Variants in PDLIM5 observed in about 807,000 individuals in gnomAD.
PDLIM5 encodes the protein PDZ and LIM domain 5, also known as PDZ and LIM domain protein 5.
PDLIM5 carries 34 observed loss-of-function variants against 64.2 expected under a neutral mutation model. The observed-to-expected ratio is 0.53, with a 90% CI of 0.40 to 0.71. PDLIM5 has a LOEUF of 0.71. Ranked by LOEUF, PDLIM5 falls within the 30% of genes least tolerant of loss-of-function variation. PDLIM5 has a pLI of 0.00. For synonymous variants in PDLIM5, 253 were observed against 269.1 expected (o/e 0.94, Z 0.59); for missense variants, 683 against 733.6 (o/e 0.93, Z 0.80).
At chr4:94,596,518 A>G (rs1418215335) in intron 7 of PDLIM5, among the ~76,000 whole-genome samples, 1 of 152,020 alleles carries the variant, frequency 6.6e-6, no homozygotes, top group East Asian at 1.9e-4. Flanking sequence ...AGTATTGAAG[A>G]AGACTCCTGC....
At chr4:94,501,466 C>A (rs971115213) in intron 2 of PDLIM5, among the ~76,000 whole-genome samples, 6 of 152,094 alleles carry the variant, frequency 3.9e-5, no homozygotes, top group African/African-American at 1.4e-4. Flanking sequence ...GTGGATTTGT[C>A]AGTTTATGAC....
rs1158734740 is a variant in PDLIM5, at chr4:94,665,404, C to T, written c.*1337C>T. 1 of 422,890 alleles carries T rather than the reference C, an allele frequency of 2.4e-6. No individual in the cohort carries two copies. Among genetic ancestry groups the T allele is most frequent in the Non-Finnish European group, 3.2e-6 (1 of 317,324 alleles). The allele number at this position is 422,890 out of a possible 1,614,324, so 26.2% of individuals were successfully genotyped here. ...GGCTGAGGCAGGAAAATTCTTGAAC[C>T]CAGGAGACGGAAGTTGCAGTGAGCT... On this transcript the variant is annotated 3_prime_UTR_variant, in exon 13 of 13. Transcript: ENST00000317968.
intron 2 of PDLIM5, among the ~76,000 whole-genome samples, chr4:94,477,779 C>T (rs945072141): frequency 6.6e-6 from 1 of 152,102 alleles, no homozygotes; most frequent in East Asian, 1.9e-4. Context: ...CCACCTCCTC[C>T]ACCTCTTTTG....
intron 2 of PDLIM5, chr4:94,456,241 C>T: frequency 2.2e-6 from 1 of 451,950 alleles, no homozygotes; most frequent in East Asian, 3.9e-5. Context: ...TCTTGTTGCC[C>T]AGGCTGGAGT....
intron 2 of PDLIM5, among the ~76,000 whole-genome samples, chr4:94,509,574 T>C (rs186189017): frequency 7.2e-5 from 11 of 152,302 alleles, no homozygotes; most frequent in Admixed American, 6.5e-4. Context: ...TAGGGTTCTC[T>C]AGAGGGACAG....
At chr4:94,616,792 T>C (rs1738820954) in intron 7 of PDLIM5, among the ~76,000 whole-genome samples, 1 of 152,208 alleles carries the variant, frequency 6.6e-6, no homozygotes, top group South Asian at 2.1e-4. Flanking sequence ...TAGGGAGCAA[T>C]ATTTCAAGAA....
At chr4:94,595,904 A>G (rs1560729437) in intron 7 of PDLIM5, among the ~76,000 whole-genome samples, 1 of 152,210 alleles carries the variant, frequency 6.6e-6, no homozygotes, top group Non-Finnish European at 1.5e-5. Context: ...ACAGCAAGAT[A>G]CATTCCCACA....
At chr4:94,560,871 C>T (rs974731389) in intron 3 of PDLIM5, among the ~76,000 whole-genome samples, 2 of 152,142 alleles carry the variant, frequency 1.3e-5, no homozygotes, top group South Asian at 4.1e-4. Flanking sequence ...GGACTACAGT[C>T]GCCCGCCACC....
Position 94,575,776 on chromosome 4 carries a change from C to T in PDLIM5, c.452C>T (p.Thr151Ile), listed in dbSNP as rs200734812. ...ATCCCATCACCATCGTCTGCCTTCACCCCAGCCCATGCGACCACCTCATCA... is the reference window on the plus strand; with the variant it reads ...ATCCCATCACCATCGTCTGCCTTCATCCCAGCCCATGCGACCACCTCATCA... ...TSIPSPSSAF[T>I]PAHATTSSHA... The change falls in exon 5 of 13, where the codon ACC becomes ATC. Residue 151 changes from threonine to isoleucine, a missense_variant. Coordinates refer to ENST00000317968, the MANE Select transcript of PDLIM5 (RefSeq NM_006457.5). 2.6e-4 allele frequency: 426 copies of T among 1,614,000 alleles called. No homozygotes were observed. Among genetic ancestry groups the T allele is most frequent in the Non-Finnish European group, 2.5e-4 (295 of 1,180,014 alleles).
At chr4:94,532,136 G>A (rs1730927816) in intron 3 of PDLIM5, among the ~76,000 whole-genome samples, 1 of 151,870 alleles carries the variant, frequency 6.6e-6, no homozygotes, top group African/African-American at 2.4e-5. Flanking sequence ...AAAAATTCTG[G>A]AATTTTTTAA....
intron 8 of PDLIM5, among the ~76,000 whole-genome samples, chr4:94,626,208 G>A (rs747911254): frequency 5.9e-5 from 9 of 152,156 alleles, no homozygotes; most frequent in Non-Finnish European, 1.2e-4. Context: ...AATACAATGG[G>A]CGGCCTAAAA....
rs144746767 is a variant in PDLIM5, at chr4:94,643,580, G to A, written c.1283+3130G>A. Among the ~76,000 whole-genome samples the A allele has an allele frequency of 3.8e-3, 572 of 152,196 alleles. 2 individuals carry two copies. Among genetic ancestry groups the A allele is most frequent in the African/African-American group, 0.013 (528 of 41,538 alleles). On this transcript the variant is annotated intron_variant, in intron 9 of 12. Coordinates refer to ENST00000317968, the MANE Select transcript of PDLIM5 (RefSeq NM_006457.5). ...CCATTTGTATTACATGGAGTTAACG[G>A]AACTATTTATGTTTAGCTTGACCTC...
At chr4:94,588,009 T>G (rs986367857) in intron 7 of PDLIM5, 21 of 963,726 alleles carry the variant, frequency 2.2e-5, no homozygotes, top group Non-Finnish European at 2.5e-5. Context: ...GGAAGCTAAA[T>G]ATATGACCAG....
chr4:94,493,466 A>G (rs557509795), intron 2 of PDLIM5, among the ~76,000 whole-genome samples: 4 of 152,206 alleles, frequency 2.6e-5, no homozygotes, highest in South Asian at 2.1e-4. Flanking sequence ...TTGGGCCACC[A>G]TGCTTGGATA....
chr4:94,507,823 G>A (rs780048519), intron 2 of PDLIM5, among the ~76,000 whole-genome samples: 83 of 152,166 alleles, frequency 5.5e-4, no homozygotes, highest in Non-Finnish European at 1.1e-3. Context: ...AAGCACTAAC[G>A]TAATGAGTGG....
intron 3 of PDLIM5, among the ~76,000 whole-genome samples, chr4:94,546,323 C>T (rs536063412): frequency 4.9e-4 from 74 of 152,186 alleles, no homozygotes; most frequent in Non-Finnish European, 2.6e-4. Context: ...TTACCCCACC[C>T]GGCCCCACAC....
chr4:94,598,009 A>G (rs1299687778), intron 7 of PDLIM5, among the ~76,000 whole-genome samples: 2 of 152,156 alleles, frequency 1.3e-5, no homozygotes, highest in Non-Finnish European at 2.9e-5. Flanking sequence ...AAAGACCCTT[A>G]AAATTCCTTT....
intron 2 of PDLIM5, among the ~76,000 whole-genome samples, chr4:94,473,037 T>C (rs922367522): frequency 1.3e-5 from 2 of 151,796 alleles, no homozygotes; most frequent in African/African-American, 4.8e-5. Context: ...AGGGAAAGAG[T>C]GGCAGTTGCA....
intron 8 of PDLIM5, among the ~76,000 whole-genome samples, chr4:94,624,076 A>G (rs1238764317): frequency 6.6e-6 from 1 of 151,758 alleles, no homozygotes; most frequent in Admixed American, 6.6e-5. Context: ...TGTGGGAGTT[A>G]AGGCAGGAGG....
Sources: allele counts gnomAD v4.1 joint callset (sites outside exome capture counted in the v4.1 genomes callset), GRCh38; gene constraint gnomAD v4.1.1; transcripts MANE v1.5; gene names NCBI Gene and HGNC (gene_info 2026-07-23, HGNC 2026-07-21).